CEP63: variants seen among roughly 807,000 people sequenced by gnomAD.
CEP63 encodes the protein centrosomal protein 63.
Under a neutral mutation model 89.1 loss-of-function variants are expected in CEP63, and 84 were observed. That is an observed-to-expected ratio of 0.94 (90% confidence interval 0.79 to 1.13). The LOEUF is 1.13. Among genes scored for constraint, CEP63 ranks in the 50% most tolerant of loss-of-function variants. The probability of loss-of-function intolerance (pLI) is 0.00; values close to 1 mark genes in which losing one functional copy is unlikely to be tolerated. For missense variants in CEP63, 838 were observed against 813.3 expected, an observed-to-expected ratio of 1.03 and a Z score of -0.37; for synonymous variants, 267 against 272.5, an observed-to-expected ratio of 0.98 and a Z score of 0.20.
chr3:134,622,109 T>C, the CEP63 span, among the ~76,000 whole-genome samples: 2 of 152,232 alleles, frequency 1.3e-5, no homozygotes, highest in South Asian at 2.1e-4. Context: ...TGTACGATGC[T>C]AGTGGGAATG....
chr3:134,669,308 G>C, the CEP63 span, among the ~76,000 whole-genome samples: 1 of 152,128 alleles, frequency 6.6e-6, no homozygotes, highest in African/African-American at 2.4e-5. Context: ...GATTACAGGC[G>C]TGAGCCACCA....
At chr3:134,600,339 C>T in the CEP63 span, among the ~76,000 whole-genome samples, 2 of 152,232 alleles carry the variant, frequency 1.3e-5, no homozygotes, top group African/African-American at 4.8e-5. Context: ...TTCTTGGCAA[C>T]TTGTCCCTCC....
chr3:134,679,419 A>G, the CEP63 span, among the ~76,000 whole-genome samples: 1 of 152,190 alleles, frequency 6.6e-6, no homozygotes, highest in African/African-American at 2.4e-5. Context: ...GTGGAGCATC[A>G]TGCAGGCAGT....
At chr3:134,620,243 A>G in the CEP63 span, among the ~76,000 whole-genome samples, 3 of 152,296 alleles carry the variant, frequency 2.0e-5, no homozygotes, top group South Asian at 4.1e-4. Context: ...AGGTGGCTCC[A>G]AGAACCTTGG....
At chr3:134,603,185 A>C in the CEP63 span, 2 of 161,162 alleles carry the variant, frequency 1.2e-5, no homozygotes, top group Non-Finnish European at 1.3e-5. Context: ...TGGGCATGGA[A>C]GAGAATTCTC....
chr3:134,586,384 C>T (rs1958485840), intron 10 of CEP63, among the ~76,000 whole-genome samples: 1 of 91,854 alleles, frequency 1.1e-5, no homozygotes, highest in South Asian at 3.8e-4. Flanking sequence ...GTAAGGCAGG[C>T]CTGGTGGTGA....
intron 6 of CEP63, among the ~76,000 whole-genome samples, chr3:134,544,636 T>TTGG (rs1553774709): frequency 6.9e-6 from 1 of 145,228 alleles, no homozygotes; most frequent in Non-Finnish European, 1.5e-5. Context: ...ATGCTCTAGG[T>TTGG]GGGGGGGGGA....
chr3:134,574,278 A>G (rs185750009), intron 11 of CEP63, among the ~76,000 whole-genome samples: 1 of 152,350 alleles, frequency 6.6e-6, no homozygotes, highest in Admixed American at 6.5e-5. Context: ...GAGACCAGAC[A>G]GAGCTCAGGT....
At chr3:134,615,168 A>G in the CEP63 span, 1 of 152,276 alleles carries the variant, frequency 6.6e-6, no homozygotes, top group Non-Finnish European at 1.5e-5. Flanking sequence ...AATCTTGATA[A>G]TAATTCTCTC....
the CEP63 span, among the ~76,000 whole-genome samples, chr3:134,677,221 T>G: frequency 1.3e-5 from 2 of 152,154 alleles, no homozygotes; most frequent in Non-Finnish European, 2.9e-5. Flanking sequence ...ATGGCGCCAT[T>G]GCACTCCAGC....
In CEP63 at chr3:134,561,500, G is replaced by GA; in HGVS notation, c.2081dup (p.Thr695AspfsTer13). On this transcript the variant is annotated frameshift_variant, in exon 15 of 15. Transcript: ENST00000675561. LOFTEE classifies it high-confidence loss of function. ...TATTGAAGAACTAAAAAGAGAGAGTGAAAAGACAGTGAGACAATTCACAGC... is the reference window on the plus strand; with the variant it reads ...TATTGAAGAACTAAAAAGAGAGAGTGAAAAAGACAGTGAGACAATTCACAGC... The GA allele has an allele frequency of 6.2e-7, 1 of 1,613,754 alleles. No homozygotes were observed. The highest frequency in any genetic ancestry group is 8.5e-7 in the Non-Finnish European group (1 of 1,179,902).
chr3:134,549,845 C>T (rs141650579), intron 10 of CEP63, among the ~76,000 whole-genome samples: 50 of 152,276 alleles, frequency 3.3e-4, no homozygotes, highest in African/African-American at 1.1e-3. Flanking sequence ...ACCCATCTCT[C>T]CCTGTTTTGA....
chr3:134,600,241 C>T, the CEP63 span, among the ~76,000 whole-genome samples: 2 of 152,198 alleles, frequency 1.3e-5, no homozygotes, highest in African/African-American at 4.8e-5. Flanking sequence ...AAACCCACTC[C>T]TTCTAGTGAA....
chr3:134,673,860 C>G, the CEP63 span, among the ~76,000 whole-genome samples: 1 of 152,162 alleles, frequency 6.6e-6, no homozygotes, highest in African/African-American at 2.4e-5. Context: ...GTGGTGAGCA[C>G]CCGTATTTTT....
At chr3:134,767,161 C>G in the CEP63 span, among the ~76,000 whole-genome samples, 1 of 152,164 alleles carries the variant, frequency 6.6e-6, no homozygotes, top group Non-Finnish European at 1.5e-5. Flanking sequence ...GGCCTGTGCA[C>G]ATTGGAGTGA....
the CEP63 span, among the ~76,000 whole-genome samples, chr3:134,618,947 C>T: frequency 6.6e-5 from 10 of 152,108 alleles, no homozygotes; most frequent in Non-Finnish European, 8.8e-5. Flanking sequence ...TAATGCATCG[C>T]GAAGCCCGGC....
chr3:134,537,043 AG>A (rs1950898883), intron 5 of CEP63, 111 bp from the exon 6 acceptor site: 1 of 760,520 alleles, frequency 1.3e-6, no homozygotes, highest in Non-Finnish European at 2.4e-6. Context: ...CTGTGGAGAA[AG>A]GTGCAAGCGT....
chr3:134,567,820 G>C (rs1957847716), downstream of CEP63, among the ~76,000 whole-genome samples: 1 of 152,222 alleles, frequency 6.6e-6, no homozygotes, highest in African/African-American at 2.4e-5. Context: ...GCAGTGTCTT[G>C]GCTAAGTGTA....
At chr3:134,519,818 GA>G (rs943525351) in intron 3 of CEP63, among the ~76,000 whole-genome samples, 22 of 151,902 alleles carry the variant, frequency 1.4e-4, no homozygotes, top group African/African-American at 4.8e-4. Context: ...ATTATCAGAG[GA>G]AAAAACACCA....
Sources: gnomAD v4.1 joint callset for allele counts (sites outside exome capture counted in the v4.1 genomes callset) on GRCh38, gnomAD v4.1.1 for gene constraint, MANE v1.5 for transcripts, NCBI Gene and HGNC (gene_info 2026-07-23, HGNC 2026-07-21) for gene names.